The following ARMC2 variants were observed in gnomAD, a reference collection of about 807,000 sequenced individuals.
ARMC2 encodes armadillo repeat-containing protein 2.
A neutral mutation model predicts 90.3 loss-of-function variants in ARMC2; 67 were observed. The observed-to-expected ratio is 0.74, with a 90% confidence interval of 0.61 to 0.91. ARMC2 has a LOEUF of 0.91. Ranked by LOEUF, ARMC2 falls within the 40% of genes least tolerant of loss-of-function variation. The pLI is 0.00. For missense variants in ARMC2, 920 were observed against 1,030.9 expected (o/e 0.89, Z 1.47); for synonymous variants, 393 against 393.0 (o/e 1.00, Z 0.00).
the ARMC2 span, among the ~76,000 whole-genome samples, chr6:109,028,669 T>C: frequency 1.6e-3 from 239 of 152,288 alleles, 1 homozygote; most frequent in African/African-American, 3.8e-3. Flanking sequence ...TAGTATTAGT[T>C]GATGCCACAT....
At chr6:109,046,008 C>G in the ARMC2 span, among the ~76,000 whole-genome samples, 1 of 152,184 alleles carries the variant, frequency 6.6e-6, no homozygotes, top group Non-Finnish European at 1.5e-5. Flanking sequence ...AATGCCTCAA[C>G]TTTCAATAAT....
In ARMC2 at chr6:108,910,920, C is replaced by G. The variant is rs747456183; in HGVS notation, c.1045C>G (p.Leu349Val). ...GCAGCTTAAAGTGAGTAGAAAGAAT[C>G]TTCTTAATGTCTGCAAACTTATATT... ...ILALKVSRKN[L>V]LNVCKLIFKI... is the part of the protein sequence containing the mutation. Residue 349 changes from leucine (L) to valine (V), a missense_variant, in exon 9 of 18, where the codon CTT becomes GTT. By Grantham distance (32) the Leu-to-Val change is conservative. Coordinates refer to ENST00000392644, the MANE Select transcript of ARMC2 (RefSeq NM_032131.6). The G allele has an allele frequency of 6.4e-7, 1 of 1,561,216 alleles. No individual in the cohort carries two copies.
intron 8 of ARMC2, among the ~76,000 whole-genome samples, chr6:108,909,646 C>T (rs1455109509): frequency 2.0e-5 from 3 of 152,122 alleles, no homozygotes; most frequent in Admixed American, 6.5e-5. Flanking sequence ...AGTGATTCTC[C>T]TACCTCAGCC....
In ARMC2 at chr6:108,858,221, T is replaced by G. The variant is rs201510425; in HGVS notation, c.241T>G (p.Ser81Ala). Residue 81 changes from serine (S) to alanine (A), a missense_variant, in exon 3 of 18, where the codon TCA becomes GCA. Physicochemically the swap from Ser to Ala is moderately conservative, Grantham distance 99. Coordinates refer to ENST00000392644, the MANE Select transcript of ARMC2 (RefSeq NM_032131.6). ...SFSLHASSFE[S>A]SDSRPISGTR... is the part of the protein sequence containing the mutation. ...TAGCCTCCATGCATCCAGTTTTGAG[T>G]CATCTGATTCCAGGCCTATCTCTGG... The G allele has an allele frequency of 5.6e-6, 9 of 1,611,116 alleles. No homozygotes were observed. Among genetic ancestry groups the G allele is most frequent in the Non-Finnish European group, 7.6e-6 (9 of 1,177,936 alleles).
At chr6:108,857,534 C>G (rs758136172) in intron 2 of ARMC2, among the ~76,000 whole-genome samples, 3 of 152,142 alleles carry the variant, frequency 2.0e-5, no homozygotes, top group Non-Finnish European at 4.4e-5. Flanking sequence ...CTGGGATGTT[C>G]TGTATGATAC....
rs772610401 is a variant in ARMC2 at position 108,904,373 on chromosome 6, C to T, written c.991C>T (p.Leu331Phe). 6 of 1,611,964 alleles carry T rather than the reference C, an allele frequency of 3.7e-6. No homozygotes were observed. The highest frequency in any genetic ancestry group is 2.7e-5 in the African/African-American group (2 of 74,944). The change falls in exon 8 of 18, where the codon CTC becomes TTC. Residue 331 changes from leucine (L) to phenylalanine (F), a missense_variant. Transcript: ENST00000392644. ...ACTAGTTGATGTTGGTTCAGACTCG[C>T]TCAGCCTTAAACTTGCAAAAATAAT... ...CKLVDVGSDSLSLKLAKIILA... is the reference protein window; with the variant it reads ...CKLVDVGSDSFSLKLAKIILA...
At chr6:108,853,123 A>C (rs1190460325) in intron 1 of ARMC2, among the ~76,000 whole-genome samples, 1 of 152,160 alleles carries the variant, frequency 6.6e-6, no homozygotes, top group Non-Finnish European at 1.5e-5. Context: ...ATTGCTTATC[A>C]AGTAATTTTT....
At chr6:109,033,626 T>C in the ARMC2 span, among the ~76,000 whole-genome samples, 7 of 152,150 alleles carry the variant, frequency 4.6e-5, no homozygotes, top group Non-Finnish European at 8.8e-5. Context: ...CAGCACATTA[T>C]TTTATCTCCT....
At chr6:108,942,341 C>T (rs181936596) in intron 12 of ARMC2, among the ~76,000 whole-genome samples, 1 of 152,320 alleles carries the variant, frequency 6.6e-6, no homozygotes, top group East Asian at 1.9e-4. Context: ...ACAATTTTCA[C>T]ATGGGTGGGC....
intron 4 of ARMC2, among the ~76,000 whole-genome samples, chr6:108,870,261 A>C (rs1006669680): frequency 1.1e-4 from 16 of 152,178 alleles, no homozygotes; most frequent in African/African-American, 3.9e-4. Flanking sequence ...TTTAAAAGGT[A>C]GAAGAATCTC....
intron 17 of ARMC2, among the ~76,000 whole-genome samples, chr6:108,972,569 C>T (rs994267448): frequency 1.3e-5 from 2 of 152,098 alleles, no homozygotes; most frequent in Non-Finnish European, 2.9e-5. Flanking sequence ...CATATTAATA[C>T]GTTGTTTATT....
chr6:108,941,430 G>A (rs973587644), intron 12 of ARMC2, among the ~76,000 whole-genome samples: 1 of 152,204 alleles, frequency 6.6e-6, no homozygotes, highest in Non-Finnish European at 1.5e-5. Flanking sequence ...AAATCTTAGC[G>A]ATAAGGTATG....
chr6:108,858,392 A>G (rs976610964), intron 3 of ARMC2, 121 bp downstream of exon 3: 1 of 540,426 alleles, frequency 1.9e-6, no homozygotes. Flanking sequence ...TAAATAGACT[A>G]ATAATTTAAT....
Position 108,965,089 on chromosome 6 carries a change from T to C in ARMC2, c.2395T>C (p.Phe799Leu). 1.2e-6 allele frequency: 2 copies of C among 1,613,826 alleles called. No individual in the cohort carries two copies. The highest frequency in any genetic ancestry group is 1.1e-5 in the South Asian group (1 of 91,082). ...SENITNASSCFGNEDTNTLLL... is the reference protein window; with the variant it reads ...SENITNASSCLGNEDTNTLLL... The stretch of plus-strand genomic sequence containing the variant: ...AAACATCACTAATGCTTCGTCATGT[T>C]TTGGAAATGAAGACACCAACACACT... Residue 799 changes from phenylalanine (F) to leucine (L), a missense_variant, in exon 17 of 18, where the codon TTT becomes CTT. Physicochemically the swap from Phe to Leu is conservative, Grantham distance 22 (BLOSUM62 0). Transcript: ENST00000392644.
intron 17 of ARMC2, among the ~76,000 whole-genome samples, chr6:108,971,533 T>G (rs1887414): frequency 6.6e-6 from 1 of 152,006 alleles, no homozygotes; most frequent in Admixed American, 6.6e-5. Flanking sequence ...AGTGCCAAAG[T>G]ACACAGTGAA....
the ARMC2 span, among the ~76,000 whole-genome samples, chr6:109,046,218 CGAGTGCCTGCGATT>C: frequency 6.8e-6 from 1 of 146,210 alleles, no homozygotes; most frequent in East Asian, 2.2e-4. Context: ...CTCAGCCTGC[CGAGTGCCTGCGATT>C]GCAGGCACGC....
the ARMC2 span, among the ~76,000 whole-genome samples, chr6:109,010,682 A>G: frequency 6.6e-6 from 1 of 152,312 alleles, no homozygotes; most frequent in East Asian, 1.9e-4. Flanking sequence ...TATGTTCTCT[A>G]TACTGCTTTT....
intron 12 of ARMC2, among the ~76,000 whole-genome samples, chr6:108,952,007 C>T (rs187003263): frequency 1.2e-3 from 185 of 152,358 alleles, no homozygotes; most frequent in African/African-American, 4.2e-3. Flanking sequence ...TGACCTTACC[C>T]TTCACCAGCC....
the ARMC2 span, among the ~76,000 whole-genome samples, chr6:109,032,381 G>A: frequency 6.6e-6 from 1 of 151,244 alleles, no homozygotes; most frequent in Non-Finnish European, 1.5e-5. Flanking sequence ...CACTTTGGGA[G>A]GCCGAGGCGG....
Sources: allele counts gnomAD v4.1 joint callset (sites outside exome capture counted in the v4.1 genomes callset), GRCh38; gene constraint gnomAD v4.1.1; transcripts MANE v1.5; gene names NCBI Gene and HGNC (gene_info 2026-07-23, HGNC 2026-07-21).